Variants in FLYWCH2 observed in about 807,000 individuals in gnomAD.
FLYWCH2 encodes FLYWCH family member 2.
In FLYWCH2, 2 loss-of-function variants were observed where a neutral mutation model predicts 6.0. The ratio of observed to expected loss-of-function variants is 0.33; its 90% CI spans 0.14 to 1.04. The LOEUF (loss-of-function observed/expected upper bound fraction) is 1.04, where lower values mean the gene tolerates loss of function less well. FLYWCH2 is among the 50% of genes least tolerant of loss of function. The pLI is 0.45. For missense variants in FLYWCH2, 192 were observed against 183.4 expected (o/e 1.05, Z -0.27); for synonymous variants, 87 against 79.3 (o/e 1.10, Z -0.52).
intron 1 of FLYWCH2, among the ~76,000 whole-genome samples, chr16:2,887,292 C>G (rs2069708796): frequency 6.7e-6 from 1 of 148,468 alleles, no homozygotes; most frequent in Admixed American, 6.8e-5. Context: ...ACCACGGGTG[C>G]ACACCACCAT....
chr16:2,899,262 T>G lies in FLYWCH2; in HGVS notation c.*113T>G. The stretch of plus-strand genomic sequence containing the variant: ...TCTTTGCTTTTAACATTGTGTGATT[T>G]CTTTTCTTTTTTTTTTTTTTTTTAG... On this transcript the variant is annotated 3_prime_UTR_variant, in exon 4 of 4. Coordinates refer to ENST00000396958, the MANE Select transcript of FLYWCH2 (RefSeq NM_138439.3). 1 of 512,980 alleles carries G rather than the reference T, an allele frequency of 1.9e-6. No individual in the cohort carries two copies. The highest frequency in any genetic ancestry group is 3.1e-5 in the South Asian group (1 of 31,784). 31.8% of individuals were successfully genotyped at this position (512,980 alleles called of 1,614,324 possible).
At chr16:2,883,889 C>T (rs1315550683) in intron 1 of FLYWCH2, among the ~76,000 whole-genome samples, 1 of 152,224 alleles carries the variant, frequency 6.6e-6, no homozygotes, top group South Asian at 2.1e-4. Context: ...AGATTCTGAG[C>T]CCTGGTGATT....
rs573392690 is a variant in FLYWCH2 at position 2,895,915 on chromosome 16, G to T, written c.-98-437G>T. Reference sequence around the variant, plus strand: ...ACTCCATCTCTGCCACTCTGTGGCCGTGTGGATCACCCTGGCATGTCTCAG... The same window carrying T: ...ACTCCATCTCTGCCACTCTGTGGCCTTGTGGATCACCCTGGCATGTCTCAG... On this transcript the variant is annotated intron_variant, in intron 2 of 3. Coordinates refer to ENST00000396958, the MANE Select transcript of FLYWCH2 (RefSeq NM_138439.3). Among the ~76,000 whole-genome samples, 6 of 152,318 alleles carry T rather than the reference G, an allele frequency of 3.9e-5. 1 individual carries two copies. In the South Asian group the frequency reaches 1.2e-3, roughly 32 times the overall value.
At chr16:2,884,019 C>T (rs564333896) in intron 1 of FLYWCH2, among the ~76,000 whole-genome samples, 1 of 152,140 alleles carries the variant, frequency 6.6e-6, no homozygotes, top group Non-Finnish European at 1.5e-5. Flanking sequence ...TTAAATCTCC[C>T]TGTGAGGACG....
chr16:2,885,234 A>G (rs1215067580), intron 1 of FLYWCH2, among the ~76,000 whole-genome samples: 2 of 152,108 alleles, frequency 1.3e-5, no homozygotes, highest in African/African-American at 4.8e-5. Context: ...AGGCAGGAGA[A>G]TGGCGTGAAC....
chr16:2,887,585 T>A (rs2069713071), intron 1 of FLYWCH2, among the ~76,000 whole-genome samples: 1 of 151,850 alleles, frequency 6.6e-6, no homozygotes, highest in South Asian at 2.1e-4. Flanking sequence ...TATTATTATT[T>A]TTTGAGACAG....
At chr16:2,893,818 T>G (rs941825992) in intron 1 of FLYWCH2, among the ~76,000 whole-genome samples, 6 of 151,998 alleles carry the variant, frequency 3.9e-5, no homozygotes, top group Admixed American at 1.3e-4. Context: ...TTTGTATTTT[T>G]TAGTGGAGAC....
At chr16:2,892,655 C>G (rs377193549) in intron 1 of FLYWCH2, among the ~76,000 whole-genome samples, 2 of 151,846 alleles carry the variant, frequency 1.3e-5, no homozygotes, top group East Asian at 3.9e-4. Context: ...ACCATCCTGG[C>G]CAACATGGTG....
chr16:2,887,915 C>G (rs990874844), intron 1 of FLYWCH2, among the ~76,000 whole-genome samples: 2 of 151,986 alleles, frequency 1.3e-5, no homozygotes, highest in Non-Finnish European at 2.9e-5. Flanking sequence ...TGTCTTGCCA[C>G]CTTTGCTGAA....
chr16:2,896,657 G>A lies in FLYWCH2; in HGVS notation c.208G>A (p.Val70Met). The part of the protein sequence containing the change: ...KGVHCVMSLG[V>M]PGPATLAKAL... ...TGTGCACTGTGTCATGTCCCTGGGG[G>A]TGCCCGGCCCCGCCACCCTTGCCAA... Residue 70 changes from valine (V) to methionine (M), a missense_variant, in exon 3 of 4, where the codon GTG becomes ATG. Val to Met is a conservative substitution (Grantham distance 21). Transcript: ENST00000396958. The A allele has an allele frequency of 6.2e-7, 1 of 1,613,438 alleles. No homozygotes were observed. Among genetic ancestry groups the A allele is most frequent in the African/African-American group, 1.3e-5 (1 of 75,028 alleles).
rs556241429 is a variant in FLYWCH2, at chr16:2,896,338, G to C, written c.-98-14G>C. ...GGGCTTCCACCACTGACGGGATTTT[G>C]CTTCCTTCCTTAGGACGGAACCGCT... On this transcript the variant is annotated splice_polypyrimidine_tract_variant and intron_variant, in intron 2 of 3. Coordinates refer to ENST00000396958, the MANE Select transcript of FLYWCH2 (RefSeq NM_138439.3). The C allele has an allele frequency of 5.2e-6, 7 of 1,358,610 alleles. No individual in the cohort carries two copies. Among genetic ancestry groups the C allele is most frequent in the Non-Finnish European group, 6.8e-6 (7 of 1,027,144 alleles). 84.2% of individuals were successfully genotyped at this position (1,358,610 alleles called of 1,614,324 possible).
chr16:2,889,530 A>T (rs2069732999), intron 1 of FLYWCH2, among the ~76,000 whole-genome samples: 1 of 139,370 alleles, frequency 7.2e-6, no homozygotes. Context: ...TTTAAAGAAA[A>T]AGCACTAGGA....
At chr16:2,885,467 C>T (rs1479551620) in intron 1 of FLYWCH2, among the ~76,000 whole-genome samples, 1 of 152,206 alleles carries the variant, frequency 6.6e-6, no homozygotes, top group African/African-American at 2.4e-5. Context: ...TCATTCTCCC[C>T]TTCCCCACCC....
intron 2 of FLYWCH2, 38 bp from the exon 3 acceptor site, chr16:2,896,314 G>A: frequency 8.5e-7 from 1 of 1,169,794 alleles, no homozygotes; most frequent in South Asian, 1.6e-5. Context: ...GCCTCCCAAG[G>A]GCTTCCACCA....
chr16:2,892,865 A>G (rs1330345180), intron 1 of FLYWCH2, among the ~76,000 whole-genome samples: 2 of 135,596 alleles, frequency 1.5e-5, no homozygotes. Context: ...AAATTTATAT[A>G]TATTTTAAAT....
Position 2,899,223 on chromosome 16 carries a change from G to C in FLYWCH2, c.*74G>C. The C allele has an allele frequency of 1.1e-6, 1 of 941,542 alleles. No homozygotes were observed. Among genetic ancestry groups the C allele is most frequent in the Non-Finnish European group, 1.6e-6 (1 of 641,722 alleles). 58.3% of individuals were successfully genotyped at this position (941,542 alleles called of 1,614,324 possible). A position where few individuals can be genotyped will look rare whatever the true frequency, so the allele number is the denominator to read the frequency against. ...CTTCTCTGTCCGCAGGGCTTCTGGG[G>C]CCAAATGGGTGAATCTTTGCTTTTA... On this transcript the variant is annotated 3_prime_UTR_variant, in exon 4 of 4. Coordinates refer to ENST00000396958, the MANE Select transcript of FLYWCH2 (RefSeq NM_138439.3).
chr16:2,891,637 C>T (rs1210543105), intron 1 of FLYWCH2, among the ~76,000 whole-genome samples: 2 of 152,210 alleles, frequency 1.3e-5, no homozygotes, highest in Admixed American at 6.5e-5. Flanking sequence ...GATCTCCTGA[C>T]CTCGTGATCC....
intron 1 of FLYWCH2, among the ~76,000 whole-genome samples, chr16:2,891,161 A>G (rs548097062): frequency 4.7e-4 from 71 of 152,324 alleles, no homozygotes; most frequent in Middle Eastern, 3.4e-3. Flanking sequence ...TCTGCTGCCC[A>G]AGGCCATTGG....
intron 1 of FLYWCH2, among the ~76,000 whole-genome samples, chr16:2,894,302 C>T (rs918998047): frequency 1.3e-5 from 2 of 152,116 alleles, no homozygotes; most frequent in Admixed American, 1.3e-4. Context: ...GTGGCAGAAC[C>T]GACACGGCGG....
Sources: allele counts gnomAD v4.1 joint callset (sites outside exome capture counted in the v4.1 genomes callset), GRCh38; gene constraint gnomAD v4.1.1; transcripts MANE v1.5; gene names NCBI Gene and HGNC (gene_info 2026-07-23, HGNC 2026-07-21).